The following SGCD variants were observed in gnomAD, a reference collection of about 807,000 sequenced individuals.
SGCD encodes delta-sarcoglycan.
A neutral mutation model predicts 36.6 loss-of-function variants in SGCD; 18 were observed. That is an observed-to-expected ratio of 0.49 (90% CI 0.34 to 0.73). The LOEUF (loss-of-function observed/expected upper bound fraction) is 0.73, where lower values mean the gene tolerates loss of function less well. Among genes scored for constraint, SGCD ranks in the 30% least tolerant of loss-of-function variants. The pLI, the probability that SGCD is intolerant of heterozygous loss-of-function variation, is 0.01. For synonymous variants in SGCD, 133 were observed against 130.6 expected (o/e 1.02, Z -0.12); for missense variants, 387 against 346.7 (o/e 1.12, Z -0.92).
At chr5:155,822,732 G>T in the SGCD span, among the ~76,000 whole-genome samples, 1 of 152,280 alleles carries the variant, frequency 6.6e-6, no homozygotes, top group South Asian at 2.1e-4. Context: ...CATAATATAA[G>T]GAAAAGCATC....
At chr5:156,744,638 G>A (rs1355388364) in intron 7 of SGCD, among the ~76,000 whole-genome samples, 1 of 152,122 alleles carries the variant, frequency 6.6e-6, no homozygotes, top group African/African-American at 2.4e-5. Context: ...AAATGTGTAA[G>A]GACAAATTCC....
At chr5:156,378,760 A>G (rs1391711258) in intron 3 of SGCD, among the ~76,000 whole-genome samples, 1 of 152,140 alleles carries the variant, frequency 6.6e-6, no homozygotes, top group Non-Finnish European at 1.5e-5. Flanking sequence ...CTCTTGTCAC[A>G]TGTAAAAGGC....
intron 3 of SGCD, among the ~76,000 whole-genome samples, chr5:156,376,530 G>C (rs532757967): frequency 5.6e-4 from 85 of 152,268 alleles, no homozygotes; most frequent in African/African-American, 2.0e-3. Context: ...TTAATCATAT[G>C]TTATCTCACA....
chr5:156,732,015 G>A (rs1040437569), intron 7 of SGCD, among the ~76,000 whole-genome samples: 1 of 151,934 alleles, frequency 6.6e-6, no homozygotes, highest in Non-Finnish European at 1.5e-5. Context: ...GTATTCTGAA[G>A]TTGCTTCTCA....
At chr5:155,901,474 G>A (rs148562206) in intron 1 of SGCD, among the ~76,000 whole-genome samples, 335 of 152,276 alleles carry the variant, frequency 2.2e-3, no homozygotes, top group Middle Eastern at 3.4e-3. Flanking sequence ...GGCCCCTCTG[G>A]AAGGAGCTCT....
chr5:156,416,119 G>A (rs774472564), intron 3 of SGCD, among the ~76,000 whole-genome samples: 9 of 152,082 alleles, frequency 5.9e-5, no homozygotes, highest in Non-Finnish European at 1.3e-4. Flanking sequence ...TGTCTGGGAG[G>A]AAATGCCCAT....
At chr5:155,837,691 G>C in the SGCD span, among the ~76,000 whole-genome samples, 2 of 152,102 alleles carry the variant, frequency 1.3e-5, no homozygotes, top group African/African-American at 4.8e-5. Context: ...TGTCTAGAAA[G>C]CCTATTGTCA....
intron 3 of SGCD, among the ~76,000 whole-genome samples, chr5:156,139,076 A>G (rs970714112): frequency 4.6e-5 from 7 of 152,176 alleles, no homozygotes; most frequent in Non-Finnish European, 8.8e-5. Flanking sequence ...TTCCAGATAT[A>G]GTTCTATGTC....
intron 3 of SGCD, among the ~76,000 whole-genome samples, chr5:156,148,861 G>A (rs73811418): frequency 2.0e-5 from 3 of 152,098 alleles, no homozygotes; most frequent in Non-Finnish European, 2.9e-5. Flanking sequence ...CTCTAGAGCC[G>A]TGGAAAGTTT....
chr5:156,132,781 A>T (rs1328282199), intron 3 of SGCD, among the ~76,000 whole-genome samples: 5 of 152,072 alleles, frequency 3.3e-5, no homozygotes, highest in Admixed American at 2.6e-4. Context: ...ACCAAGTCTT[A>T]TGATGGTCCT....
In SGCD at chr5:156,589,306, C is replaced by A; in HGVS notation, c.370C>A (p.Gln124Lys). 6.4e-7 allele frequency: 1 copy of A among 1,562,702 alleles called. No homozygotes were observed. ...ILNDQTKVLTQLITGPKAVEA... is the reference protein window; with the variant it reads ...ILNDQTKVLTKLITGPKAVEA... ...CAATGACCAGACTAAAGTGCTAACT[C>A]AGCTTATAACAGGTAAGAAAAGGGA... The change falls in exon 5 of 9, where the codon CAG becomes AAG. Residue 124 changes from glutamine (Q) to lysine (K), a missense_variant. Coordinates refer to ENST00000337851, the MANE Select transcript of SGCD (RefSeq NM_000337.6).
intron 3 of SGCD, among the ~76,000 whole-genome samples, chr5:156,195,597 A>C (rs1764005515): frequency 6.6e-6 from 1 of 152,128 alleles, no homozygotes. Context: ...GTTAATGTAC[A>C]TGCTTTTTGA....
rs992455351 is a variant in SGCD at position 156,085,817 on chromosome 5, G to C, written c.-281-32061G>C. 4.6e-5 allele frequency among the ~76,000 whole-genome samples: 7 copies of C among 152,186 alleles called. No individual in the cohort carries two copies. In the East Asian group the frequency reaches 1.4e-3, roughly 29 times the overall value. ...CAGGTGATCCAGGGTTTCTTTATGG[G>C]GTAATGAAACTATTTTAAAATTGCT... is the stretch of plus-strand genomic sequence containing the variant. On this transcript the variant is annotated intron_variant, in intron 1 of 9. Transcript: ENST00000517913.
intron 3 of SGCD, among the ~76,000 whole-genome samples, chr5:156,428,826 T>C (rs1773788241): frequency 6.6e-6 from 1 of 152,146 alleles, no homozygotes; most frequent in Non-Finnish European, 1.5e-5. Flanking sequence ...TTAATTTCCA[T>C]ATATTTGTAT....
At chr5:155,837,825 C>T in the SGCD span, among the ~76,000 whole-genome samples, 1 of 152,308 alleles carries the variant, frequency 6.6e-6, no homozygotes, top group Non-Finnish European at 1.5e-5. Flanking sequence ...AAGGTCTATC[C>T]TGTGGGGGTG....
At chr5:155,960,723 T>A (rs1295174366) in intron 1 of SGCD, among the ~76,000 whole-genome samples, 2 of 152,122 alleles carry the variant, frequency 1.3e-5, no homozygotes, top group African/African-American at 2.4e-5. Context: ...TTGCAAGGAT[T>A]GTAAATAAGC....
chr5:156,592,195 C>T (rs1441200373), intron 5 of SGCD, among the ~76,000 whole-genome samples: 2 of 149,618 alleles, frequency 1.3e-5, no homozygotes, highest in Non-Finnish European at 3.0e-5. Context: ...ACAGAGAAGT[C>T]CAAGCATGTG....
At chr5:156,113,747 C>G (rs1044674276) in intron 1 of SGCD, among the ~76,000 whole-genome samples, 2 of 152,130 alleles carry the variant, frequency 1.3e-5, no homozygotes, top group African/African-American at 4.8e-5. Flanking sequence ...TTACCCAAAA[C>G]TGGAAGGAGC....
At chr5:156,702,490 T>G (rs141325875) in intron 7 of SGCD, among the ~76,000 whole-genome samples, 7 of 152,248 alleles carry the variant, frequency 4.6e-5, no homozygotes, top group Non-Finnish European at 7.4e-5. Context: ...GGAAGCGTAC[T>G]GAAACTCATC....
Sources: gnomAD v4.1 joint callset for allele counts (sites outside exome capture counted in the v4.1 genomes callset) on GRCh38, gnomAD v4.1.1 for gene constraint, MANE v1.5 for transcripts, NCBI Gene and HGNC (gene_info 2026-07-23, HGNC 2026-07-21) for gene names.